The following CAMTA1 variants were observed in gnomAD, a reference collection of about 807,000 sequenced individuals.
CAMTA1 encodes the protein calmodulin binding transcription activator 1.
Under a neutral mutation model 170.9 loss-of-function variants are expected in CAMTA1, and 27 were observed. The ratio of observed to expected loss-of-function variants is 0.16; its 90% CI spans 0.12 to 0.22. The LOEUF is 0.22. Among genes scored for constraint, CAMTA1 ranks in the 10% least tolerant of loss-of-function variants. The probability of loss-of-function intolerance (pLI) is 1.00; values close to 1 mark genes in which losing one functional copy is unlikely to be tolerated. For missense variants in CAMTA1, 1,619 were observed against 2,217.2 expected (o/e 0.73, Z 5.42); for synonymous variants, 833 against 891.5 (o/e 0.93, Z 1.17).
intron 5 of CAMTA1, among the ~76,000 whole-genome samples, chr1:7,458,471 A>G (rs1380205267): frequency 2.6e-5 from 4 of 152,134 alleles, no homozygotes; most frequent in African/African-American, 9.7e-5. Context: ...GAGTGATTTA[A>G]CATTGTGGAA....
At chr1:6,831,110 G>A (rs1341687586) in intron 3 of CAMTA1, among the ~76,000 whole-genome samples, 2 of 152,110 alleles carry the variant, frequency 1.3e-5, no homozygotes, top group Non-Finnish European at 2.9e-5. Flanking sequence ...GAGCCATCGC[G>A]CCCGGCCCGA....
Position 7,673,695 on chromosome 1 carries a change from C to A in CAMTA1, c.2779+2658C>A, listed in dbSNP as rs2096082226. ...TCCCCTGCTAGAGCCAGCACTCTGT[C>A]TTCAGCTAACTCCACAAAGGGGGCC... On this transcript the variant is annotated intron_variant, in intron 10 of 22. Transcript: ENST00000303635. This position sits in a 1 kb window ranked among gnomAD's most constrained non-coding sequence, Gnocchi z 4.6. Among the ~76,000 whole-genome samples the A allele has an allele frequency of 6.6e-6, 1 of 152,250 alleles. No homozygotes were observed. The highest frequency in any genetic ancestry group is 2.1e-4 in the South Asian group (1 of 4,830).
chr1:7,468,573 C>T (rs1433974078), intron 6 of CAMTA1, among the ~76,000 whole-genome samples: 2 of 152,212 alleles, frequency 1.3e-5, no homozygotes, highest in Admixed American at 6.5e-5. Context: ...TCTTGCCTGC[C>T]GTGTGGGCGG....
At chr1:7,520,063 A>G (rs186543927) in intron 6 of CAMTA1, among the ~76,000 whole-genome samples, 3 of 149,470 alleles carry the variant, frequency 2.0e-5, no homozygotes, top group African/African-American at 5.0e-5. Context: ...CTCCCCTAGC[A>G]GAGCTCTCTT....
At chr1:7,148,329 C>G (rs914176500) in intron 4 of CAMTA1, among the ~76,000 whole-genome samples, 1 of 151,896 alleles carries the variant, frequency 6.6e-6, no homozygotes, top group African/African-American at 2.4e-5. Context: ...CCCCCACACA[C>G]ACACCACACA....
chr1:7,116,668 T>TA (rs1434310558), intron 4 of CAMTA1, among the ~76,000 whole-genome samples: 2 of 151,060 alleles, frequency 1.3e-5, no homozygotes, highest in Admixed American at 6.6e-5. Flanking sequence ...TTTTTTTTTT[T>TA]ATGGAGTCTC....
intron 5 of CAMTA1, among the ~76,000 whole-genome samples, chr1:7,396,346 TG>T (rs1483279042): frequency 6.6e-6 from 1 of 152,230 alleles, no homozygotes; most frequent in Non-Finnish European, 1.5e-5. Context: ...CTAAGCTTTT[TG>T]TACAGCCTGT....
At chr1:7,440,900 A>G (rs1168020573) in intron 5 of CAMTA1, among the ~76,000 whole-genome samples, 1 of 152,238 alleles carries the variant, frequency 6.6e-6, no homozygotes, top group Non-Finnish European at 1.5e-5. Context: ...ATAGCTGCTC[A>G]GTGCCCATTC....
At chr1:7,213,597 CT>C (rs1299930367) in intron 4 of CAMTA1, among the ~76,000 whole-genome samples, 3 of 112,968 alleles carry the variant, frequency 2.7e-5, no homozygotes, top group Admixed American at 8.9e-5. Flanking sequence ...TATTTTTTTT[CT>C]TTTTTTTAAA....
chr1:7,423,119 C>T (rs1238048803), intron 5 of CAMTA1, among the ~76,000 whole-genome samples: 1 of 152,220 alleles, frequency 6.6e-6, no homozygotes, highest in African/African-American at 2.4e-5. Context: ...GGCGAGGCAG[C>T]CCTCACAGCC....
chr1:7,601,106 C>T (rs1175808933), intron 6 of CAMTA1, among the ~76,000 whole-genome samples: 4 of 145,722 alleles, frequency 2.7e-5, no homozygotes, highest in Non-Finnish European at 4.5e-5. Flanking sequence ...CTGGCCGGGC[C>T]GGGGGCTGAC....
At position 7,633,191 on chromosome 1, in the gene CAMTA1, G is replaced by T. The variant is rs764893864; in HGVS notation, c.511-7209G>T. Among the ~76,000 whole-genome samples, 10 of 152,206 alleles carry T rather than the reference G, an allele frequency of 6.6e-5. No homozygotes were observed. Among genetic ancestry groups the T allele is most frequent in the Non-Finnish European group, 7.4e-5 (5 of 68,020 alleles). The stretch of plus-strand genomic sequence containing the variant: ...GGGTGAAAGGTGCCATCTAGAAAAG[G>T]TTCTCAAAGAGATTGACTCTACCTC... On this transcript the variant is annotated intron_variant, in intron 6 of 22. Transcript: ENST00000303635. The surrounding 1 kb of genome is among the most constrained non-coding windows in gnomAD (Gnocchi z 4.1).
At chr1:6,925,193 T>G (rs1386562636) in intron 3 of CAMTA1, among the ~76,000 whole-genome samples, 1 of 152,210 alleles carries the variant, frequency 6.6e-6, no homozygotes, top group Admixed American at 6.5e-5. Context: ...ATCCCTGCCT[T>G]GTCTCTAGGG....
chr1:7,736,853 G>C lies in CAMTA1; in HGVS notation c.3264-78G>C. 8.4e-7 allele frequency: 1 copy of C among 1,187,770 alleles called. No homozygotes were observed. Among genetic ancestry groups the C allele is most frequent in the Non-Finnish European group, 1.2e-6 (1 of 811,440 alleles). 73.6% of individuals were successfully genotyped at this position (1,187,770 alleles called of 1,614,324 possible). ...ATATACCCAGTTGGGTTTCATCTTG[G>C]TGGGGTTTTATAATATTCTGGTGTT... is the stretch of plus-strand genomic sequence containing the variant. On this transcript the variant is annotated intron_variant, in intron 13 of 22. Transcript: ENST00000303635. The surrounding 1 kb of genome is among the most constrained non-coding windows in gnomAD (Gnocchi z 4.5).
At chr1:6,811,472 T>C (rs969773539) in intron 1 of CAMTA1, among the ~76,000 whole-genome samples, 1 of 152,198 alleles carries the variant, frequency 6.6e-6, no homozygotes, top group African/African-American at 2.4e-5. Flanking sequence ...TTCAAATCCT[T>C]GTGTCCCATT....
intron 5 of CAMTA1, among the ~76,000 whole-genome samples, chr1:7,274,361 A>C (rs994324387): frequency 1.3e-5 from 2 of 152,216 alleles, no homozygotes; most frequent in Non-Finnish European, 2.9e-5. Context: ...CTCAAGATAA[A>C]GAGAGATATT....
At chr1:7,624,100 C>G (rs547666936) in intron 6 of CAMTA1, among the ~76,000 whole-genome samples, 6 of 152,360 alleles carry the variant, frequency 3.9e-5, no homozygotes, top group Admixed American at 3.3e-4. Context: ...TGCCAAGGCC[C>G]TCAGCCCAGC....
chr1:7,463,985 A>G lies in CAMTA1; in HGVS notation c.439-3845A>G, dbSNP rs2093153044. Reference sequence around the variant, plus strand: ...TCATCTTTACTTTTTTATAAAAATAAATAAATAAATAAGCCCTATAGTGTC... The same window carrying G: ...TCATCTTTACTTTTTTATAAAAATAGATAAATAAATAAGCCCTATAGTGTC... On this transcript the variant is annotated intron_variant, in intron 5 of 22. Coordinates refer to ENST00000303635, the MANE Select transcript of CAMTA1 (RefSeq NM_015215.4). This position sits in a 1 kb window ranked among gnomAD's most constrained non-coding sequence, Gnocchi z 4.7. 6.6e-6 allele frequency among the ~76,000 whole-genome samples: 1 copy of G among 152,226 alleles called. No homozygotes were observed. The highest frequency in any genetic ancestry group is 1.5e-5 in the Non-Finnish European group (1 of 68,040).
At chr1:7,613,538 G>A (rs1164133711) in intron 6 of CAMTA1, among the ~76,000 whole-genome samples, 1 of 152,174 alleles carries the variant, frequency 6.6e-6, no homozygotes, top group Non-Finnish European at 1.5e-5. Flanking sequence ...TCCAGGACCT[G>A]CGGGAGTGTT....
Sources: allele counts gnomAD v4.1 joint callset (sites outside exome capture counted in the v4.1 genomes callset), GRCh38; gene constraint gnomAD v4.1.1; non-coding constraint Gnocchi (gnomAD v3.1); transcripts MANE v1.5; gene names NCBI Gene and HGNC (gene_info 2026-07-23, HGNC 2026-07-21).